GBE1: variants seen among roughly 807,000 people sequenced by gnomAD.
GBE1 encodes 1,4-alpha-glucan-branching enzyme.
A neutral mutation model predicts 88.8 loss-of-function variants in GBE1; 70 were observed. The observed-to-expected ratio is 0.79, with a 90% CI of 0.65 to 0.96. The LOEUF (loss-of-function observed/expected upper bound fraction) is 0.96, where lower values mean the gene tolerates loss of function less well. GBE1 is among the 40% of genes least tolerant of loss of function. The probability of loss-of-function intolerance (pLI) is 0.00; values close to 1 mark genes in which losing one functional copy is unlikely to be tolerated. For synonymous variants in GBE1, 284 were observed against 300.1 expected, an observed-to-expected ratio of 0.95 and a Z score of 0.56; for missense variants, 872 against 871.0, an observed-to-expected ratio of 1.00 and a Z score of -0.01.
chr3:81,580,565 A>C (rs867243384), intron 11 of GBE1, among the ~76,000 whole-genome samples: 3 of 152,112 alleles, frequency 2.0e-5, no homozygotes, highest in African/African-American at 7.2e-5. Flanking sequence ...TTGGGCAGAG[A>C]ATAATGCTGG....
chr3:81,493,694 G>A (rs368548340), intron 15 of GBE1, among the ~76,000 whole-genome samples: 7 of 151,652 alleles, frequency 4.6e-5, no homozygotes, highest in African/African-American at 1.2e-4. Context: ...CACCACACCC[G>A]GCTAATTTTT....
chr3:81,715,399 T>C (rs981963385), intron 1 of GBE1, among the ~76,000 whole-genome samples: 1 of 152,166 alleles, frequency 6.6e-6, no homozygotes, highest in Non-Finnish European at 1.5e-5. Context: ...TGCAAACTAC[T>C]CCTAACTGAT....
chr3:81,517,401 A>G (rs377151108), intron 14 of GBE1, among the ~76,000 whole-genome samples: 12 of 151,526 alleles, frequency 7.9e-5, no homozygotes, highest in Middle Eastern at 3.4e-3. Context: ...CATAACTTCT[A>G]TATGTATTGT....
At chr3:81,685,820 A>T (rs1705429470) in intron 2 of GBE1, among the ~76,000 whole-genome samples, 1 of 152,208 alleles carries the variant, frequency 6.6e-6, no homozygotes, top group Non-Finnish European at 1.5e-5. Context: ...AACAACAATG[A>T]AGAAAACCTC....
intron 1 of GBE1, among the ~76,000 whole-genome samples, chr3:81,760,539 C>G (rs1391590120): frequency 6.6e-6 from 1 of 152,206 alleles, no homozygotes; most frequent in African/African-American, 2.4e-5. Flanking sequence ...GGTAACCTCA[C>G]AAGTATAACT....
chr3:81,506,962 TG>T (rs1702662667), intron 14 of GBE1, among the ~76,000 whole-genome samples: 1 of 152,064 alleles, frequency 6.6e-6, no homozygotes, highest in Non-Finnish European at 1.5e-5. Flanking sequence ...AAACAACTAA[TG>T]GGTACTAGGC....
At chr3:81,494,370 G>A (rs921832432) in intron 15 of GBE1, among the ~76,000 whole-genome samples, 9 of 152,112 alleles carry the variant, frequency 5.9e-5, no homozygotes, top group African/African-American at 2.2e-4. Flanking sequence ...TTTAGCCTAA[G>A]TATTGGCTCT....
chr3:81,516,457 G>A (rs941975689), intron 14 of GBE1, among the ~76,000 whole-genome samples: 6 of 151,420 alleles, frequency 4.0e-5, no homozygotes, highest in African/African-American at 1.5e-4. Flanking sequence ...GAAAGCATCT[G>A]GTCACCCAAG....
chr3:81,490,156 C>T lies in GBE1; in HGVS notation c.*251G>A, dbSNP rs1041538302. The T allele has an allele frequency of 2.1e-6, 1 of 478,098 alleles. No individual in the cohort carries two copies. The highest frequency in any genetic ancestry group is 3.7e-6 in the Non-Finnish European group (1 of 272,752). The allele number at this position is 478,098 out of a possible 1,614,324, so 29.6% of individuals were successfully genotyped here. On this transcript the variant is annotated 3_prime_UTR_variant, in exon 16 of 16. Coordinates refer to ENST00000429644, the MANE Select transcript of GBE1 (RefSeq NM_000158.4). ...TTTTAACATATTATATATAACACTT[C>T]CATTTGAGAATCCTAGCTGCTAAGA...
chr3:81,631,391 T>C (rs916632119), intron 7 of GBE1, among the ~76,000 whole-genome samples: 3 of 152,038 alleles, frequency 2.0e-5, no homozygotes, highest in Non-Finnish European at 4.4e-5. Flanking sequence ...TAATCCCTCA[T>C]TAAAACACAG....
chr3:81,575,772 T>C (rs1036537333), intron 12 of GBE1, among the ~76,000 whole-genome samples: 2 of 152,168 alleles, frequency 1.3e-5, no homozygotes, highest in African/African-American at 4.8e-5. Context: ...AAACTGGTTA[T>C]TGCAGCTAAT....
chr3:81,713,287 A>G lies in GBE1; in HGVS notation c.144-7674T>C, dbSNP rs971348199. Among the ~76,000 whole-genome samples, 6 of 152,216 alleles carry G rather than the reference A, an allele frequency of 3.9e-5. No individual in the cohort carries two copies. The South Asian group carries it at 8.3e-4, about 21-fold the overall frequency. On this transcript the variant is annotated intron_variant, in intron 1 of 15. Coordinates refer to ENST00000429644, the MANE Select transcript of GBE1 (RefSeq NM_000158.4). Reference sequence around the variant, plus strand: ...TGAAGGATGAGTAGTACATTTTGACAGCTGGAGAAAAGACAGAGAAGCGCA... The same window carrying G: ...TGAAGGATGAGTAGTACATTTTGACGGCTGGAGAAAAGACAGAGAAGCGCA...
intron 12 of GBE1, among the ~76,000 whole-genome samples, chr3:81,553,429 G>A (rs1301418567): frequency 6.6e-6 from 1 of 151,906 alleles, no homozygotes; most frequent in Non-Finnish European, 1.5e-5. Flanking sequence ...CTATTAGACT[G>A]GGGACAGATA....
At chr3:81,597,497 A>ATG (rs1388252690) in intron 7 of GBE1, among the ~76,000 whole-genome samples, 1 of 146,442 alleles carries the variant, frequency 6.8e-6, no homozygotes, top group Non-Finnish European at 1.5e-5. Context: ...ATATATATAT[A>ATG]TATATATATC....
chr3:81,490,568 TAC>T (rs1271256238), intron 15 of GBE1, 105 bp from the exon 16 acceptor site: 31 of 888,822 alleles, frequency 3.5e-5, no homozygotes, highest in African/African-American at 5.1e-5. Flanking sequence ...TGCCTAAAGT[TAC>T]AGTTACCTTT....
At chr3:81,682,266 C>A (rs567048411) in intron 2 of GBE1, among the ~76,000 whole-genome samples, 69 of 152,106 alleles carry the variant, frequency 4.5e-4, no homozygotes, top group Admixed American at 1.8e-3. Flanking sequence ...AATTCAAGAC[C>A]ACCCTGGGCA....
intron 12 of GBE1, among the ~76,000 whole-genome samples, chr3:81,538,707 T>C (rs186918331): frequency 2.1e-4 from 32 of 152,088 alleles, no homozygotes; most frequent in Non-Finnish European, 4.0e-4. Context: ...TCTTTACTGA[T>C]AATGAAGGGA....
intron 7 of GBE1, among the ~76,000 whole-genome samples, chr3:81,609,969 G>T (rs771465462): frequency 8.5e-5 from 13 of 152,108 alleles, no homozygotes; most frequent in Non-Finnish European, 1.8e-4. Context: ...GAGGAAAAAA[G>T]AGTAAAAAGG....
intron 1 of GBE1, among the ~76,000 whole-genome samples, chr3:81,746,484 C>A (rs1312202333): frequency 1.3e-5 from 2 of 152,030 alleles, no homozygotes; most frequent in Non-Finnish European, 2.9e-5. Context: ...GGTCTCAAAA[C>A]TCCTGGGCTC....
Sources: allele counts gnomAD v4.1 joint callset (sites outside exome capture counted in the v4.1 genomes callset), GRCh38; gene constraint gnomAD v4.1.1; transcripts MANE v1.5; gene names NCBI Gene and HGNC (gene_info 2026-07-23, HGNC 2026-07-21).